PHKA1: variants seen among roughly 807,000 people sequenced by gnomAD.
PHKA1 encodes the protein phosphorylase b kinase regulatory subunit alpha, skeletal muscle isoform.
PHKA1 carries 60 observed loss-of-function variants against 110.2 expected under a neutral mutation model. The observed-to-expected ratio is 0.54, with a 90% CI of 0.44 to 0.68. The LOEUF (loss-of-function observed/expected upper bound fraction) is 0.68. PHKA1 is among the 30% of genes least tolerant of loss of function. The pLI is 0.00. For missense variants in PHKA1, 801 were observed against 942.5 expected (o/e 0.85, Z 1.97); for synonymous variants, 316 against 333.6 (o/e 0.95, Z 0.58).
intron 23 of PHKA1, among the ~76,000 whole-genome samples, 178 bp downstream of exon 23, chrX:72,609,446 G>A (rs1357086236): frequency 8.9e-6 from 1 of 111,932 alleles, no homozygotes; most frequent in Non-Finnish European, 1.9e-5. Flanking sequence ...GTACTACTCT[G>A]TGAGTTTTCT....
At chrX:72,659,800 G>A (rs1167183764) in intron 8 of PHKA1, among the ~76,000 whole-genome samples, 2 of 112,472 alleles carry the variant, frequency 1.8e-5, no homozygotes, top group Non-Finnish European at 3.8e-5. Context: ...ACCAGGTAGT[G>A]AATATTTTAG....
chrX:72,581,411 T>A (rs2052335485), intron 31 of PHKA1, among the ~76,000 whole-genome samples: 1 of 111,708 alleles, frequency 9.0e-6, no homozygotes, highest in African/African-American at 3.3e-5. Context: ...TTATTAATTG[T>A]TTAGAATTTT....
intron 6 of PHKA1, among the ~76,000 whole-genome samples, chrX:72,671,662 C>T (rs2053701300): frequency 9.0e-6 from 1 of 111,573 alleles, no homozygotes; most frequent in Non-Finnish European, 1.9e-5. Flanking sequence ...AAGCTGGAGG[C>T]ATCACGCTAC....
At chrX:72,681,014 C>T (rs2053851008) in intron 5 of PHKA1, among the ~76,000 whole-genome samples, 1 of 43,587 alleles carries the variant, frequency 2.3e-5, no homozygotes, top group African/African-American at 1.0e-4. Flanking sequence ...AGCCCCTCTG[C>T]CTGGCTGCCC....
intron 8 of PHKA1, among the ~76,000 whole-genome samples, chrX:72,665,382 G>A (rs1320163781): frequency 1.8e-5 from 2 of 111,177 alleles, no homozygotes; most frequent in Non-Finnish European, 3.8e-5. Flanking sequence ...ACGAGTAATG[G>A]GACTGAATCA....
At chrX:72,594,030 G>A (rs2052559083) in intron 28 of PHKA1, among the ~76,000 whole-genome samples, 1 of 110,821 alleles carries the variant, frequency 9.0e-6, no homozygotes, top group Non-Finnish European at 1.9e-5. Context: ...TACAAATGTG[G>A]AAATTAACAC....
intron 5 of PHKA1, among the ~76,000 whole-genome samples, chrX:72,677,383 T>C (rs1228957671): frequency 8.9e-6 from 1 of 111,796 alleles, no homozygotes; most frequent in African/African-American, 3.3e-5. Context: ...TTAATAAATA[T>C]CTTGAGAGAG....
At position 72,579,507 on chromosome X, in the gene PHKA1, G is replaced by A. The variant is rs782495214; in HGVS notation, c.*1495C>T. On this transcript the variant is annotated 3_prime_UTR_variant, in exon 32 of 32. Coordinates refer to ENST00000373542, the MANE Select transcript of PHKA1 (RefSeq NM_002637.4). ...GTTAACAGAGTCTCTGCACAATTCAGAAGAAGGAGAGTTAGAAGAAACATT... is the reference window on the plus strand; with the variant it reads ...GTTAACAGAGTCTCTGCACAATTCAAAAGAAGGAGAGTTAGAAGAAACATT... 1.8e-5 allele frequency: 2 copies of A among 111,617 alleles called. No homozygotes were observed. The highest frequency in any genetic ancestry group is 3.8e-5 in the Non-Finnish European group (2 of 53,168). 9.2% of individuals were successfully genotyped at this position (111,617 alleles called of 1,213,427 possible). A position where few individuals can be genotyped will look rare whatever the true frequency, so the allele number is the denominator to read the frequency against.
At chrX:72,606,863 A>G (rs1250405818) in intron 23 of PHKA1, among the ~76,000 whole-genome samples, 1 of 111,555 alleles carries the variant, frequency 9.0e-6, no homozygotes, top group Non-Finnish European at 1.9e-5. Flanking sequence ...CCCAACGCCC[A>G]TAAACCCTGC....
chrX:72,681,741 G>A (rs1390056860), intron 5 of PHKA1, among the ~76,000 whole-genome samples: 11 of 63,593 alleles, frequency 1.7e-4, no homozygotes, highest in Admixed American at 3.5e-4. Context: ...CCCTCCGCCC[G>A]GCCAGCCGCC....
At chrX:72,589,995 C>T (rs1426818718) in intron 29 of PHKA1, among the ~76,000 whole-genome samples, 4 of 111,414 alleles carry the variant, frequency 3.6e-5, no homozygotes, top group African/African-American at 1.3e-4. Flanking sequence ...AATGGCCATA[C>T]TGCTCAAGAT....
intron 13 of PHKA1, among the ~76,000 whole-genome samples, chrX:72,647,415 A>G (rs782014112): frequency 8.9e-6 from 1 of 111,829 alleles, no homozygotes; most frequent in African/African-American, 3.3e-5. Context: ...GAATAATTTT[A>G]GACATGTTGA....
intron 6 of PHKA1, among the ~76,000 whole-genome samples, chrX:72,668,503 T>C (rs782433351): frequency 2.7e-5 from 3 of 112,322 alleles, no homozygotes; most frequent in East Asian, 5.6e-4. Context: ...ATGGTATATC[T>C]GTTGCATTCA....
intron 5 of PHKA1, among the ~76,000 whole-genome samples, chrX:72,680,280 C>G (rs368504535): frequency 2.7e-5 from 3 of 112,201 alleles, no homozygotes; most frequent in South Asian, 3.7e-4. Context: ...TCCCAAAGTG[C>G]TGGGATTACA....
chrX:72,676,679 T>C (rs1234809695), intron 5 of PHKA1, among the ~76,000 whole-genome samples: 1 of 112,068 alleles, frequency 8.9e-6, no homozygotes, highest in African/African-American at 3.2e-5. Flanking sequence ...AGTTAATAAG[T>C]GACAGAGCCA....
At chrX:72,587,757 A>C (rs935567687) in intron 29 of PHKA1, among the ~76,000 whole-genome samples, 3 of 111,436 alleles carry the variant, frequency 2.7e-5, no homozygotes, top group African/African-American at 9.8e-5. Flanking sequence ...GCAAATGGAA[A>C]GCAAAAAAAA....
chrX:72,585,556 T>G (rs1242173814), intron 29 of PHKA1, among the ~76,000 whole-genome samples: 1 of 111,864 alleles, frequency 8.9e-6, no homozygotes, highest in African/African-American at 3.3e-5. Context: ...CTGGTTCATC[T>G]CATTAGGACT....
intron 23 of PHKA1, among the ~76,000 whole-genome samples, chrX:72,607,984 A>T (rs1239013161): frequency 2.7e-5 from 3 of 111,019 alleles, no homozygotes; most frequent in African/African-American, 9.8e-5. Flanking sequence ...CCTAAGCTGC[A>T]AGAAAAAGTC....
chrX:72,706,463 A>C (rs1011088661), intron 2 of PHKA1, among the ~76,000 whole-genome samples: 7 of 111,805 alleles, frequency 6.3e-5, no homozygotes, highest in Non-Finnish European at 1.3e-4. Flanking sequence ...TATGGAAAGT[A>C]TTTAACACAA....
Sources: allele counts gnomAD v4.1 joint callset (sites outside exome capture counted in the v4.1 genomes callset), GRCh38; gene constraint gnomAD v4.1.1; transcripts MANE v1.5; gene names NCBI Gene and HGNC (gene_info 2026-07-23, HGNC 2026-07-21).